The following ART3 variants were observed in gnomAD, a reference collection of about 807,000 sequenced individuals.
ART3 encodes the protein ecto-ADP-ribosyltransferase 3.
A neutral mutation model predicts 48.5 loss-of-function variants in ART3; 49 were observed. The ratio of observed to expected loss-of-function variants is 1.01; its 90% CI spans 0.80 to 1.28. The LOEUF is 1.28. Ranked by LOEUF, ART3 falls within the 50% of genes most tolerant of loss-of-function variation. The probability of loss-of-function intolerance (pLI) is 0.00; values close to 1 mark genes in which losing one functional copy is unlikely to be tolerated. For missense variants in ART3, 438 were observed against 454.3 expected, an observed-to-expected ratio of 0.96 and a Z score of 0.33; for synonymous variants, 145 against 157.2, an observed-to-expected ratio of 0.92 and a Z score of 0.58.
At chr4:76,039,818 A>G (rs554520399) in intron 1 of ART3, among the ~76,000 whole-genome samples, 4 of 152,276 alleles carry the variant, frequency 2.6e-5, no homozygotes, top group Non-Finnish European at 5.9e-5. Flanking sequence ...ACATAATTCA[A>G]ATTTACATAA....
At chr4:76,103,369 A>G (rs1249851333) in intron 8 of ART3, among the ~76,000 whole-genome samples, 1 of 151,288 alleles carries the variant, frequency 6.6e-6, no homozygotes, top group Non-Finnish European at 1.5e-5. Context: ...CTCTCAAAAA[A>G]GAAAAAAAAA....
intron 3 of ART3, among the ~76,000 whole-genome samples, chr4:76,091,288 T>C (rs1724829426): frequency 6.6e-6 from 1 of 152,218 alleles, no homozygotes; most frequent in African/African-American, 2.4e-5. Context: ...GATTATATGA[T>C]AGGTATATGT....
chr4:76,052,044 A>G (rs916381281), intron 1 of ART3, among the ~76,000 whole-genome samples: 5 of 151,554 alleles, frequency 3.3e-5, no homozygotes, highest in Non-Finnish European at 5.9e-5. Flanking sequence ...AGTAGCCTGG[A>G]TTACGGTCGC....
intron 3 of ART3, among the ~76,000 whole-genome samples, chr4:76,093,002 G>A (rs75000880): frequency 8.5e-5 from 13 of 152,154 alleles, no homozygotes; most frequent in Non-Finnish European, 1.9e-4. Flanking sequence ...TGAAATTAAG[G>A]TGTTGGTAGG....
At chr4:76,073,517 A>G (rs1273584220), upstream of ART3, among the ~76,000 whole-genome samples, 2 of 152,192 alleles carry the variant, frequency 1.3e-5, no homozygotes, top group African/African-American at 4.8e-5. Flanking sequence ...GATTTTGTAA[A>G]TATAGGTGTA....
chr4:76,103,911 A>C, intron 8 of ART3, 26 bp from the exon 9 acceptor site: 2 of 1,609,218 alleles, frequency 1.2e-6, no homozygotes, highest in Non-Finnish European at 1.7e-6. Flanking sequence ...TGATTAATAC[A>C]AACCAATATT....
intron 1 of ART3, among the ~76,000 whole-genome samples, chr4:76,031,036 A>G (rs1578239392): frequency 6.6e-6 from 1 of 152,148 alleles, no homozygotes; most frequent in Non-Finnish European, 1.5e-5. Context: ...TACTATAATT[A>G]TGTTTAACTT....
chr4:76,021,993 T>C, intron 1 of ART3: 1 of 1,537,466 alleles, frequency 6.5e-7, no homozygotes, highest in Non-Finnish European at 9.0e-7. Flanking sequence ...AGTCTGACTC[T>C]GGCTTCAGAT....
chr4:76,037,495 G>T (rs375425801), intron 1 of ART3, among the ~76,000 whole-genome samples: 1 of 151,076 alleles, frequency 6.6e-6, no homozygotes, highest in Non-Finnish European at 1.5e-5. Flanking sequence ...AATGAGATGG[G>T]TCTCACTCTG....
At chr4:76,081,685 A>G (rs773872396) in intron 2 of ART3, 139 bp from the exon 3 acceptor site, 4 of 776,262 alleles carry the variant, frequency 5.2e-6, no homozygotes, top group South Asian at 1.8e-5. Context: ...TACTTCCTGC[A>G]TAAAAACCTA....
At chr4:76,051,183 G>A (rs535087502) in intron 1 of ART3, among the ~76,000 whole-genome samples, 76 of 152,356 alleles carry the variant, frequency 5.0e-4, no homozygotes, top group African/African-American at 1.7e-3. Context: ...GAGAGCAAGC[G>A]AGGGCTGTGA....
At chr4:76,043,151 G>T (rs1177065575) in intron 1 of ART3, among the ~76,000 whole-genome samples, 4 of 151,968 alleles carry the variant, frequency 2.6e-5, no homozygotes, top group Non-Finnish European at 5.9e-5. Flanking sequence ...ACAGAGGGCT[G>T]ATTGGTGTAT....
intron 1 of ART3, among the ~76,000 whole-genome samples, chr4:76,031,562 A>G (rs898956544): frequency 6.6e-6 from 1 of 152,204 alleles, no homozygotes; most frequent in East Asian, 1.9e-4. Flanking sequence ...CATTTATTGA[A>G]TCCCCATTTT....
chr4:76,047,667 C>T lies in ART3; in HGVS notation c.-9-28214C>T, dbSNP rs1021054554. Among the ~76,000 whole-genome samples the T allele has an allele frequency of 2.6e-5, 4 of 151,892 alleles. No homozygotes were observed. In the East Asian group the frequency reaches 7.7e-4, roughly 29 times the overall value. ...TCTGAGTCAAGGTCCCAGTGGGGATCCATACTGGGGATGGCTTGCTGACTG... is the reference window on the plus strand; with the variant it reads ...TCTGAGTCAAGGTCCCAGTGGGGATTCATACTGGGGATGGCTTGCTGACTG... On this transcript the variant is annotated intron_variant, in intron 1 of 9. Transcript: ENST00000341029.
At chr4:76,108,592 A>G (rs1728903346) in intron 11 of ART3, among the ~76,000 whole-genome samples, 1 of 150,542 alleles carries the variant, frequency 6.6e-6, no homozygotes, top group Non-Finnish European at 1.5e-5. Flanking sequence ...ACAATCGTCC[A>G]AACTGCCTCT....
chr4:76,081,357 T>C (rs1722424509), intron 2 of ART3, among the ~76,000 whole-genome samples: 1 of 152,200 alleles, frequency 6.6e-6, no homozygotes, highest in South Asian at 2.1e-4. Flanking sequence ...ACCCAGGCCA[T>C]ATGGACAAGG....
At chr4:76,040,029 T>TA (rs1440134830) in intron 1 of ART3, among the ~76,000 whole-genome samples, 6 of 152,134 alleles carry the variant, frequency 3.9e-5, no homozygotes, top group African/African-American at 9.7e-5. Flanking sequence ...TCTGATATTT[T>TA]AAAAAAACAT....
intron 1 of ART3, among the ~76,000 whole-genome samples, chr4:76,066,664 A>C (rs1384382491): frequency 6.6e-6 from 1 of 151,992 alleles, no homozygotes; most frequent in Non-Finnish European, 1.5e-5. Flanking sequence ...TGGTTGGCCC[A>C]TGGGTGGTCA....
intron 1 of ART3, among the ~76,000 whole-genome samples, chr4:76,058,866 C>T (rs1038382111): frequency 6.6e-6 from 1 of 152,174 alleles, no homozygotes; most frequent in East Asian, 1.9e-4. Flanking sequence ...GGTAGCCCCT[C>T]AACCAGAATA....
Sources: allele counts gnomAD v4.1 joint callset (sites outside exome capture counted in the v4.1 genomes callset), GRCh38; gene constraint gnomAD v4.1.1; transcripts MANE v1.5; gene names NCBI Gene and HGNC (gene_info 2026-07-23, HGNC 2026-07-21).